The following ANKRD26 variants were observed in gnomAD, a reference collection of about 807,000 sequenced individuals.
ANKRD26 encodes the protein ankyrin repeat domain 26, also known as ankyrin repeat domain-containing protein 26.
Under a neutral mutation model 208.7 loss-of-function variants are expected in ANKRD26, and 141 were observed. That is an observed-to-expected ratio of 0.68 (90% CI 0.59 to 0.78). ANKRD26 has a LOEUF of 0.78. Among genes scored for constraint, ANKRD26 ranks in the 30% least tolerant of loss-of-function variants. The pLI is 0.00. For missense variants in ANKRD26, 1,889 were observed against 1,938.7 expected (o/e 0.97, Z 0.48); for synonymous variants, 636 against 660.4 (o/e 0.96, Z 0.57).
intron 30 of ANKRD26, 121 bp from the exon 31 acceptor site, chr10:27,014,832 T>C: frequency 1.3e-6 from 1 of 768,026 alleles, no homozygotes; most frequent in South Asian, 1.7e-5. Flanking sequence ...GAAAGATCTC[T>C]GTGCCAGCAG....
At chr10:27,058,429 T>G (rs1454061531) in intron 15 of ANKRD26, among the ~76,000 whole-genome samples, 5 of 152,190 alleles carry the variant, frequency 3.3e-5, no homozygotes, top group Admixed American at 3.3e-4. Flanking sequence ...AGCTCTAAAG[T>G]CTATTCAAAT....
At chr10:27,054,844 T>G (rs2054788262) in intron 15 of ANKRD26, among the ~76,000 whole-genome samples, 1 of 151,976 alleles carries the variant, frequency 6.6e-6, no homozygotes, top group Admixed American at 6.6e-5. Flanking sequence ...AGATGGAGAG[T>G]TAGGCAGAAG....
At position 27,060,523 on chromosome 10, in the gene ANKRD26, G is replaced by T; in HGVS notation, c.1480C>A (p.Leu494Ile). Residue 494 changes from leucine to isoleucine, a missense_variant, in exon 14 of 34, where the codon CTT (leucine) becomes ATT (isoleucine). Coordinates refer to ENST00000376087, the MANE Select transcript of ANKRD26 (RefSeq NM_014915.3). ...VAHMESPERY[L>I]HLKPTIEMKD... ...ATAAAACTTATTACCTTCAAGTGAA[G>T]ATATCTCTCAGGAGACTCTAAAAAC... 1.3e-6 allele frequency: 2 copies of T among 1,546,758 alleles called. No individual in the cohort carries two copies. The highest frequency in any genetic ancestry group is 1.8e-6 in the Non-Finnish European group (2 of 1,122,456).
intron 20 of ANKRD26, among the ~76,000 whole-genome samples, chr10:27,042,581 G>A (rs1295702793): frequency 6.6e-6 from 1 of 152,080 alleles, no homozygotes. Flanking sequence ...GTGAAACCCT[G>A]TCTCTACTAA....
At chr10:27,023,592 T>C (rs75241713) in intron 28 of ANKRD26, among the ~76,000 whole-genome samples, 2,246 of 152,204 alleles carry the variant, frequency 0.015, 35 homozygotes, top group African/African-American at 0.031. Context: ...AGAGAAAGCA[T>C]GTATAAAGAC....
At chr10:27,078,248 G>A (rs2055770967) in intron 7 of ANKRD26, among the ~76,000 whole-genome samples, 1 of 151,812 alleles carries the variant, frequency 6.6e-6, no homozygotes, top group African/African-American at 2.4e-5. Flanking sequence ...AAGAAACAGA[G>A]AAAAAAACAA....
intron 6 of ANKRD26, among the ~76,000 whole-genome samples, chr10:27,081,205 T>C (rs778071386): frequency 3.4e-4 from 52 of 152,244 alleles, no homozygotes; most frequent in Non-Finnish European, 6.0e-4. Context: ...TATTTTAATA[T>C]GCCTTTCTAG....
the ANKRD26 span, among the ~76,000 whole-genome samples, chr10:26,967,623 G>T: frequency 2.6e-5 from 4 of 152,082 alleles, no homozygotes; most frequent in African/African-American, 9.7e-5. Context: ...AGACACCTAA[G>T]ATTCAACCAC....
Position 27,092,459 on chromosome 10 carries a change from C to G in ANKRD26, c.585G>C (p.Val195=), listed in dbSNP as rs769475343. ...LAVSGKKQQM[V]EFLIKKKANV... is the part of the protein sequence containing the mutation. ...TTGCTTTTTTCTTTATTAAAAATTC[C>G]ACCATTTGCTGCTTTTTTCCACTTA... The change falls in exon 4 of 34, where the codon GTG becomes GTC. Residue 195 remains valine (V), a synonymous_variant. Transcript: ENST00000376087. The G allele has an allele frequency of 3.0e-5, 49 of 1,613,586 alleles. No individual in the cohort carries two copies. The highest frequency in any genetic ancestry group is 3.4e-5 in the Non-Finnish European group (40 of 1,179,942).
Position 27,017,522 on chromosome 10 carries a change from C to G in ANKRD26, c.4486G>C (p.Glu1496Gln), listed in dbSNP as rs1350617440. The G allele has an allele frequency of 1.9e-6, 3 of 1,613,458 alleles. No individual in the cohort carries two copies. Among genetic ancestry groups the G allele is most frequent in the Admixed American group, 3.3e-5 (2 of 59,986 alleles). Residue 1496 changes from glutamate (E) to glutamine (Q), a missense_variant, in exon 30 of 34, where the codon GAA becomes CAA. Physicochemically the swap from Glu to Gln is conservative, Grantham distance 29. Coordinates refer to ENST00000376087, the MANE Select transcript of ANKRD26 (RefSeq NM_014915.3). ...CTAACCTGTAAAAATAGATTGACTT[C>G]TTTTAATTTTTCTGCTATTTCCTGT... is the stretch of plus-strand genomic sequence containing the variant. ...ARQEIAEKLK[E>Q]VNLFLQAQAA... is the part of the protein sequence containing the mutation.
At chr10:26,973,855 C>A (rs2052185645), downstream of ANKRD26, among the ~76,000 whole-genome samples, 1 of 151,710 alleles carries the variant, frequency 6.6e-6, no homozygotes, top group South Asian at 2.1e-4. Context: ...CGGGGTTTCG[C>A]CATGTTGGCC....
At position 27,013,112 on chromosome 10, in the gene ANKRD26, T is replaced by C; in HGVS notation, c.4725-2A>G. 1 of 1,612,694 alleles carries C rather than the reference T, an allele frequency of 6.2e-7. No individual in the cohort carries two copies. Among genetic ancestry groups the C allele is most frequent in the Non-Finnish European group, 8.5e-7 (1 of 1,178,850 alleles). ...ACCTCTGCTAGCCTCTCATTAGTTC[T>C]GTGAAGATTGCAGAAGACACATGCT... On this transcript the variant is annotated splice_acceptor_variant, in intron 31 of 33. Transcript: ENST00000376087. LOFTEE classifies it high-confidence loss of function.
rs182631517 is a variant in ANKRD26, at chr10:27,064,088, A to C, written c.1270-7T>G. The C allele has an allele frequency of 6.3e-7, 1 of 1,579,600 alleles. No homozygotes were observed. Among genetic ancestry groups the C allele is most frequent in the East Asian group, 2.2e-5 (1 of 44,630 alleles). On this transcript the variant is annotated splice_region_variant and splice_polypyrimidine_tract_variant and intron_variant, in intron 11 of 33. Coordinates refer to ENST00000376087, the MANE Select transcript of ANKRD26 (RefSeq NM_014915.3). ...GAAAATTCTCAGAGATACTCTGTTA[A>C]AATTAGTATCAATAATGAGTTTCAA... is the stretch of plus-strand genomic sequence containing the variant.
intron 28 of ANKRD26, among the ~76,000 whole-genome samples, chr10:27,022,960 G>A (rs911622760): frequency 2.6e-5 from 4 of 152,068 alleles, no homozygotes; most frequent in African/African-American, 9.7e-5. Flanking sequence ...ATCCATTTTA[G>A]TATGTTAATA....
At chr10:26,991,081 C>T (rs2052477579), downstream of ANKRD26, among the ~76,000 whole-genome samples, 1 of 152,112 alleles carries the variant, frequency 6.6e-6, no homozygotes, top group African/African-American at 2.4e-5. Context: ...CAAAATAAAC[C>T]TCAGACCCTC....
chr10:26,984,749 T>C (rs2052358500), intron 3 of ANKRD26, among the ~76,000 whole-genome samples: 1 of 152,162 alleles, frequency 6.6e-6, no homozygotes, highest in African/African-American at 2.4e-5. Context: ...TATAAGGGTA[T>C]AGTTGATGTT....
chr10:27,032,619 G>C (rs142702808), intron 25 of ANKRD26, among the ~76,000 whole-genome samples: 5,081 of 150,204 alleles, frequency 0.034, 88 homozygotes, highest in Non-Finnish European at 0.038. Context: ...CTGGGCTACA[G>C]AGCGAGACTC....
intron 1 of ANKRD26, among the ~76,000 whole-genome samples, chr10:27,097,203 C>T (rs1250532720): frequency 6.6e-6 from 1 of 150,442 alleles, no homozygotes; most frequent in East Asian, 2.0e-4. Flanking sequence ...AGGCCAGGCG[C>T]GGTGGCTCAA....
chr10:27,034,201 A>G (rs1320246649), intron 24 of ANKRD26, among the ~76,000 whole-genome samples: 1 of 152,250 alleles, frequency 6.6e-6, no homozygotes, highest in African/African-American at 2.4e-5. Flanking sequence ...TACATGCTTT[A>G]AAGAATTGAG....
Sources: gnomAD v4.1 joint callset for allele counts (sites outside exome capture counted in the v4.1 genomes callset) on GRCh38, gnomAD v4.1.1 for gene constraint, MANE v1.5 for transcripts, NCBI Gene and HGNC (gene_info 2026-07-23, HGNC 2026-07-21) for gene names.